PCDHGA10: variants seen among roughly 807,000 people sequenced by gnomAD.
PCDHGA10 encodes protocadherin gamma subfamily A, 10.
In PCDHGA10, 42 loss-of-function variants were observed where a neutral mutation model predicts 59.5. The ratio of observed to expected loss-of-function variants is 0.71; its 90% CI spans 0.55 to 0.91. PCDHGA10 has a LOEUF of 0.91. Among genes scored for constraint, PCDHGA10 ranks in the 40% least tolerant of loss-of-function variants. The pLI is 0.00. For synonymous variants in PCDHGA10, 511 were observed against 517.2 expected (o/e 0.99, Z 0.16); for missense variants, 1,111 against 1,198.2 (o/e 0.93, Z 1.07).
chr5:141,454,832 G>A (rs1311246854), intron 1 of PCDHGA10, among the ~76,000 whole-genome samples: 2 of 75,830 alleles, frequency 2.6e-5, no homozygotes, highest in African/African-American at 1.3e-4. Context: ...TTTTGAGACA[G>A]AGTCGCGCTC....
chr5:141,496,959 G>C (rs1451127360), intron 2 of PCDHGA10, among the ~76,000 whole-genome samples: 2 of 151,894 alleles, frequency 1.3e-5, no homozygotes, highest in Non-Finnish European at 2.9e-5. Flanking sequence ...GCCAAGGTGG[G>C]TAGATCACTT....
chr5:141,491,291 C>A lies in PCDHGA10; in HGVS notation c.2437-3516C>A. The A allele has an allele frequency of 8.1e-6, 13 of 1,614,152 alleles. No individual in the cohort carries two copies. Among genetic ancestry groups the A allele is most frequent in the Non-Finnish European group, 1.1e-5 (13 of 1,179,974 alleles). On this transcript the variant is annotated intron_variant, in intron 1 of 3. Transcript: ENST00000398610. This position sits in a 1 kb window ranked among gnomAD's most constrained non-coding sequence, Gnocchi z 6.9. The stretch of plus-strand genomic sequence containing the variant: ...AAATCCAGTGACTTCCTCATACACC[C>A]TCCTGAGCGTTCAGACCTTACCCTT...
chr5:141,437,371 A>C (rs887976412), intron 1 of PCDHGA10, among the ~76,000 whole-genome samples: 1 of 152,262 alleles, frequency 6.6e-6, no homozygotes, highest in African/African-American at 2.4e-5. Context: ...GAATGTAATC[A>C]GTCAGAAGAC....
intron 1 of PCDHGA10, among the ~76,000 whole-genome samples, chr5:141,474,294 G>A (rs535055214): frequency 1.3e-5 from 2 of 152,296 alleles, no homozygotes; most frequent in African/African-American, 4.8e-5. Context: ...CTAGATCAGT[G>A]CTTGTCAAAC....
rs1264130543 is a variant in PCDHGA10 at position 141,485,467 on chromosome 5, C to T, written c.2437-9340C>T. 2 of 1,614,112 alleles carry T rather than the reference C, an allele frequency of 1.2e-6. No homozygotes were observed. The highest frequency in any genetic ancestry group is 1.7e-6 in the Non-Finnish European group (2 of 1,180,024). On this transcript the variant is annotated intron_variant, in intron 1 of 3. Transcript: ENST00000398610. The surrounding 1 kb of genome is among the most constrained non-coding windows in gnomAD (Gnocchi z 5.7). ...TCGACCGAGAGGCACTGTGTGGGCT[C>T]AGTGCCAGCTGCATCGTGCCCCTGG... is the stretch of plus-strand genomic sequence containing the variant.
At chr5:141,492,385 G>A (rs1224771842) in intron 1 of PCDHGA10, among the ~76,000 whole-genome samples, 1 of 152,208 alleles carries the variant, frequency 6.6e-6, no homozygotes, top group Non-Finnish European at 1.5e-5. Context: ...GGCCTGTTCC[G>A]GTCCACTCGC....
intron 1 of PCDHGA10, among the ~76,000 whole-genome samples, chr5:141,443,505 A>G (rs553893860): frequency 4.4e-4 from 67 of 152,222 alleles, no homozygotes; most frequent in African/African-American, 1.4e-3. Context: ...AAACAAATAA[A>G]GAGCTTCTCT....
Position 141,468,837 on chromosome 5 carries a change from G to A in PCDHGA10, c.2437-25970G>A, listed in dbSNP as rs550455857. ...GCCAAGATCAAGCCACTGCACTCCA[G>A]CCTGGGCAACAGAGCGAGACTCCAT... On this transcript the variant is annotated intron_variant, in intron 1 of 3. Transcript: ENST00000398610. 3.3e-5 allele frequency among the ~76,000 whole-genome samples: 5 copies of A among 152,228 alleles called. No homozygotes were observed. The East Asian group carries it at 9.7e-4, about 29-fold the overall frequency.
At position 141,428,400 on chromosome 5, in the gene PCDHGA10, G is replaced by T. The variant is rs373595231; in HGVS notation, c.2436+12789G>T. 3 of 483,290 alleles carry T rather than the reference G, an allele frequency of 6.2e-6. No individual in the cohort carries two copies. The East Asian group carries it at 1.2e-4, about 20-fold the overall frequency. 29.9% of individuals were successfully genotyped at this position (483,290 alleles called of 1,614,324 possible). ...GATGCTCTTCCAGCCCCTCTGCCTGGGGTTGCTTTCACCCTGGTCTCTGTT... is the reference window on the plus strand; with the variant it reads ...GATGCTCTTCCAGCCCCTCTGCCTGTGGTTGCTTTCACCCTGGTCTCTGTT... On this transcript the variant is annotated intron_variant, in intron 1 of 3. Coordinates refer to ENST00000398610, the MANE Select transcript of PCDHGA10 (RefSeq NM_018913.3).
rs551396089 is a variant in PCDHGA10, at chr5:141,423,798, A to T, written c.2436+8187A>T. On this transcript the variant is annotated intron_variant, in intron 1 of 3. Coordinates refer to ENST00000398610, the MANE Select transcript of PCDHGA10 (RefSeq NM_018913.3). ...TATTTAGTTCATATATATTTAGAGC[A>T]ATACATGTGAGTTTTACTTTGCCTT... is the stretch of plus-strand genomic sequence containing the variant. 3.3e-6 allele frequency: 4 copies of T among 1,222,280 alleles called. No homozygotes were observed. The South Asian group carries it at 1.1e-4, about 33-fold the overall frequency. 75.7% of individuals were successfully genotyped at this position (1,222,280 alleles called of 1,614,324 possible). A position where few individuals can be genotyped will look rare whatever the true frequency, so the allele number is the denominator to read the frequency against.
In PCDHGA10 at chr5:141,489,255, A is replaced by G. The variant is rs909780010; in HGVS notation, c.2437-5552A>G. 2 of 1,548,804 alleles carry G rather than the reference A, an allele frequency of 1.3e-6. No individual in the cohort carries two copies. Among genetic ancestry groups the G allele is most frequent in the Non-Finnish European group, 1.7e-6 (2 of 1,147,848 alleles). On this transcript the variant is annotated intron_variant, in intron 1 of 3. Coordinates refer to ENST00000398610, the MANE Select transcript of PCDHGA10 (RefSeq NM_018913.3). The surrounding 1 kb of genome is among the most constrained non-coding windows in gnomAD (Gnocchi z 4.5). ...ACTTCTGGGTCATGGGGCCCAAGAC[A>G]CTCCCACAGCTCGCTGGGAAATGGC...
chr5:141,487,001 C>T lies in PCDHGA10; in HGVS notation c.2437-7806C>T. ...TTACAATGCTTGGGTTTCCTATCAG[C>T]TCCTGGAGGCCCCAGATCCCAGCCT... On this transcript the variant is annotated intron_variant, in intron 1 of 3. Transcript: ENST00000398610. This position sits in a 1 kb window ranked among gnomAD's most constrained non-coding sequence, Gnocchi z 5.0. 6.2e-7 allele frequency: 1 copy of T among 1,614,218 alleles called. No individual in the cohort carries two copies. The highest frequency in any genetic ancestry group is 8.5e-7 in the Non-Finnish European group (1 of 1,180,038).
intron 1 of PCDHGA10, among the ~76,000 whole-genome samples, chr5:141,481,731 A>G (rs1339022274): frequency 6.6e-6 from 1 of 152,060 alleles, no homozygotes; most frequent in African/African-American, 2.4e-5. Context: ...AGGCGGGCGG[A>G]TCACGAGGTC....
chr5:141,429,741 C>T (rs2097240604), intron 1 of PCDHGA10, among the ~76,000 whole-genome samples: 1 of 152,106 alleles, frequency 6.6e-6, no homozygotes, highest in Admixed American at 6.5e-5. Flanking sequence ...CCAGTTATTT[C>T]TTAGGGAGAA....
rs2154576188 is a variant in PCDHGA10 at position 141,477,933 on chromosome 5, T to C, written c.2437-16874T>C. ...GCGGATGCAGGGCACAATGCCTGGCTCTCCTACAGTCTCTTGGGATCCCCT... is the reference window on the plus strand; with the variant it reads ...GCGGATGCAGGGCACAATGCCTGGCCCTCCTACAGTCTCTTGGGATCCCCT... On this transcript the variant is annotated intron_variant, in intron 1 of 3. Coordinates refer to ENST00000398610, the MANE Select transcript of PCDHGA10 (RefSeq NM_018913.3). The surrounding 1 kb of genome is among the most constrained non-coding windows in gnomAD (Gnocchi z 4.9). 1.2e-6 allele frequency: 2 copies of C among 1,614,112 alleles called. No homozygotes were observed. Among genetic ancestry groups the C allele is most frequent in the Non-Finnish European group, 1.7e-6 (2 of 1,180,022 alleles).
intron 1 of PCDHGA10, among the ~76,000 whole-genome samples, chr5:141,456,584 A>G (rs990911693): frequency 6.6e-6 from 1 of 152,212 alleles, no homozygotes; most frequent in Non-Finnish European, 1.5e-5. Flanking sequence ...TGAGCCTGTC[A>G]ATAATTTTGA....
rs1384951887 is a variant in PCDHGA10, at chr5:141,465,860, T to C, written c.2437-28947T>C. ...AACTGAGGCTGGGCCCAGTGGCTCA[T>C]GCCTGTAATCCCAGCACTTTGGGAG... On this transcript the variant is annotated intron_variant, in intron 1 of 3. Coordinates refer to ENST00000398610, the MANE Select transcript of PCDHGA10 (RefSeq NM_018913.3). Among the ~76,000 whole-genome samples the C allele has an allele frequency of 2.0e-5, 3 of 152,114 alleles. No individual in the cohort carries two copies. The South Asian group carries it at 6.2e-4, about 32-fold the overall frequency.
In PCDHGA10 at chr5:141,489,399, C is replaced by A. The variant is rs2099686689; in HGVS notation, c.2437-5408C>A. On this transcript the variant is annotated intron_variant, in intron 1 of 3. Coordinates refer to ENST00000398610, the MANE Select transcript of PCDHGA10 (RefSeq NM_018913.3). The surrounding 1 kb of genome is among the most constrained non-coding windows in gnomAD (Gnocchi z 4.5). ...TGGGGAATGTTGCTCAGGATCTGGGCTTAAAGATGACAGATCTGTTGAGCC... is the reference window on the plus strand; with the variant it reads ...TGGGGAATGTTGCTCAGGATCTGGGATTAAAGATGACAGATCTGTTGAGCC... 1 of 1,614,024 alleles carries A rather than the reference C, an allele frequency of 6.2e-7. No homozygotes were observed. Among genetic ancestry groups the A allele is most frequent in the African/African-American group, 1.3e-5 (1 of 74,910 alleles).
chr5:141,489,427 C>G lies in PCDHGA10; in HGVS notation c.2437-5380C>G, dbSNP rs370540900. ...AAAGATGACAGATCTGTTGAGCCGG[C>G]GGCTGCAATTGGGCTCTGAGGAGAA... On this transcript the variant is annotated intron_variant, in intron 1 of 3. Transcript: ENST00000398610. The surrounding 1 kb of genome is among the most constrained non-coding windows in gnomAD (Gnocchi z 4.5). 6.2e-7 allele frequency: 1 copy of G among 1,614,108 alleles called. No homozygotes were observed. Among genetic ancestry groups the G allele is most frequent in the South Asian group, 1.1e-5 (1 of 91,086 alleles).
Sources: gnomAD v4.1 joint callset for allele counts (sites outside exome capture counted in the v4.1 genomes callset) on GRCh38, gnomAD v4.1.1 for gene constraint, Gnocchi (gnomAD v3.1) non-coding constraint, MANE v1.5 for transcripts, NCBI Gene and HGNC (gene_info 2026-07-23, HGNC 2026-07-21) for gene names.